KDM4C: variants seen among roughly 807,000 people sequenced by gnomAD.
The protein encoded by KDM4C is lysine demethylase 4C.
Under a neutral mutation model 129.3 loss-of-function variants are expected in KDM4C, and 81 were observed. The ratio of observed to expected loss-of-function variants is 0.63; its 90% confidence interval spans 0.52 to 0.75. KDM4C has a LOEUF of 0.75. Ranked by LOEUF, KDM4C falls within the 30% of genes least tolerant of loss-of-function variation. The pLI is 0.00. For synonymous variants in KDM4C, 573 were observed against 456.1 expected (o/e 1.26, Z -3.26); for missense variants, 1,457 against 1,304.0 (o/e 1.12, Z -1.81).
intron 8 of KDM4C, among the ~76,000 whole-genome samples, chr9:6,909,441 A>G (rs1321600246): frequency 1.3e-5 from 2 of 152,174 alleles, no homozygotes; most frequent in African/African-American, 4.8e-5. Context: ...ATCCAGTGGC[A>G]TTGTGCATAT....
chr9:7,057,602 A>G (rs1321663376), intron 17 of KDM4C, among the ~76,000 whole-genome samples: 1 of 152,080 alleles, frequency 6.6e-6, no homozygotes, highest in Non-Finnish European at 1.5e-5. Context: ...AACGTTAGCA[A>G]TATTAGCTGT....
At chr9:7,024,758 A>G (rs900377882) in intron 15 of KDM4C, among the ~76,000 whole-genome samples, 3 of 152,128 alleles carry the variant, frequency 2.0e-5, no homozygotes, top group Admixed American at 1.3e-4. Flanking sequence ...GTTGATTCCA[A>G]GTCTTTGCTA....
chr9:6,946,658 C>T (rs1827028282), intron 8 of KDM4C, among the ~76,000 whole-genome samples: 1 of 152,054 alleles, frequency 6.6e-6, no homozygotes, highest in Non-Finnish European at 1.5e-5. Context: ...TGTGTGCATA[C>T]ACAGTGAATA....
rs1185301372 is a variant in KDM4C, at chr9:6,757,996, C to G, written c.-225C>G. ...GGAGAGCCGGCGGTGCGCGCGCCTT[C>G]GCCGCTGCCTCCCACCCACCCCCTC... On this transcript the variant is annotated 5_prime_UTR_variant, in exon 1 of 22. Transcript: ENST00000381309. 1.0e-6 allele frequency: 1 copy of G among 985,278 alleles called. No homozygotes were observed. The highest frequency in any genetic ancestry group is 1.2e-6 in the Non-Finnish European group (1 of 829,920). 61.0% of individuals were successfully genotyped at this position (985,278 alleles called of 1,614,324 possible). A position where few individuals can be genotyped will look rare whatever the true frequency, so the allele number is the denominator to read the frequency against.
At chr9:7,169,542 C>T (rs1005691486) in intron 20 of KDM4C, among the ~76,000 whole-genome samples, 1 of 152,102 alleles carries the variant, frequency 6.6e-6, no homozygotes, top group Non-Finnish European at 1.5e-5. Flanking sequence ...CCATGTTGGC[C>T]AGGATGGTCT....
chr9:6,821,178 CAT>C (rs34543350), intron 4 of KDM4C, among the ~76,000 whole-genome samples: 4,267 of 152,224 alleles, frequency 0.028, 191 homozygotes, highest in African/African-American at 0.097. Context: ...CAGCAGTAAA[CAT>C]ATGTGTGCAT....
intron 4 of KDM4C, among the ~76,000 whole-genome samples, chr9:6,830,687 A>G (rs1588559311): frequency 6.6e-6 from 1 of 152,212 alleles, no homozygotes; most frequent in Non-Finnish European, 1.5e-5. Flanking sequence ...TAATGTGCCT[A>G]TGTGTATGAT....
At chr9:7,084,436 T>G (rs1023691970) in intron 17 of KDM4C, among the ~76,000 whole-genome samples, 2 of 152,234 alleles carry the variant, frequency 1.3e-5, no homozygotes, top group Non-Finnish European at 2.9e-5. Flanking sequence ...TATTATGAAG[T>G]GCTTTTAGAA....
intron 17 of KDM4C, among the ~76,000 whole-genome samples, chr9:7,095,417 C>G (rs1303388459): frequency 6.6e-6 from 1 of 152,122 alleles, no homozygotes; most frequent in Non-Finnish European, 1.5e-5. Flanking sequence ...ACCTTTAGGC[C>G]TTCAGGCCCA....
At position 6,979,201 on chromosome 9, in the gene KDM4C, A is replaced by G. The variant is rs191545874; in HGVS notation, c.922-1724A>G. On this transcript the variant is annotated intron_variant, in intron 8 of 21. Transcript: ENST00000381309. ...ACATCTTAATCCAAAATATCTTTCA[A>G]TTTCTCAGGATCTTCATTTTCTTTA... Among the ~76,000 whole-genome samples, 560 of 152,326 alleles carry G rather than the reference A, an allele frequency of 3.7e-3. 3 individuals are homozygous for G. Among genetic ancestry groups the G allele is most frequent in the Non-Finnish European group, 5.3e-3 (358 of 68,028 alleles).
intron 1 of KDM4C, among the ~76,000 whole-genome samples, chr9:6,743,049 G>GA (rs1231265232): frequency 1.3e-5 from 2 of 152,062 alleles, no homozygotes; most frequent in African/African-American, 4.8e-5. Context: ...GTCTAAAAAG[G>GA]AAAAAATCAA....
At chr9:6,725,440 T>A (rs1243522208) in intron 1 of KDM4C, among the ~76,000 whole-genome samples, 1 of 152,128 alleles carries the variant, frequency 6.6e-6, no homozygotes, top group East Asian at 1.9e-4. Flanking sequence ...TTTTGCTGAA[T>A]AATTTTCCAT....
chr9:7,127,994 T>G, intron 18 of KDM4C, 72 bp from the exon 19 acceptor site: 9 of 1,233,364 alleles, frequency 7.3e-6, no homozygotes, highest in African/African-American at 1.6e-5. Flanking sequence ...CAAATGAATA[T>G]TTTTTATTTT....
intron 19 of KDM4C, among the ~76,000 whole-genome samples, chr9:7,164,964 C>T (rs967069006): frequency 6.6e-6 from 1 of 152,106 alleles, no homozygotes; most frequent in Non-Finnish European, 1.5e-5. Flanking sequence ...TTTAGTTACC[C>T]CCTAAACAAT....
At chr9:6,999,816 T>C (rs562890103) in intron 12 of KDM4C, among the ~76,000 whole-genome samples, 22 of 152,322 alleles carry the variant, frequency 1.4e-4, no homozygotes, top group African/African-American at 5.3e-4. Context: ...AAAGTTCTTT[T>C]CCCTGCCAGT....
chr9:6,996,484 T>C (rs1819774713), intron 12 of KDM4C, among the ~76,000 whole-genome samples: 1 of 152,268 alleles, frequency 6.6e-6, no homozygotes, highest in African/African-American at 2.4e-5. Flanking sequence ...ATAAAAAATT[T>C]CCAGCTTTTC....
Position 7,105,026 on chromosome 9 carries a change from C to A in KDM4C, c.2610+1156C>A, listed in dbSNP as rs543037684. 2.0e-5 allele frequency among the ~76,000 whole-genome samples: 3 copies of A among 152,294 alleles called. No individual in the cohort carries two copies. In the South Asian group the frequency reaches 6.2e-4, roughly 32 times the overall value. ...TATTTGTCTTATTTTTTCATTGTTT[C>A]AGGTTCCAAGTTGCATATTCATTCA... On this transcript the variant is annotated intron_variant, in intron 18 of 21. Transcript: ENST00000381309.
intron 8 of KDM4C, among the ~76,000 whole-genome samples, chr9:6,949,259 G>A (rs527325981): frequency 2.6e-4 from 40 of 151,924 alleles, no homozygotes; most frequent in African/African-American, 8.9e-4. Context: ...GGTTGCGGCC[G>A]GGCAGAGGCG....
chr9:6,855,427 C>G (rs1323251540), intron 5 of KDM4C, among the ~76,000 whole-genome samples: 5 of 132,504 alleles, frequency 3.8e-5, no homozygotes, highest in Middle Eastern at 3.8e-3. Context: ...TCACTGCACT[C>G]CAGCCTGGGG....
Sources: gnomAD v4.1 joint callset for allele counts (sites outside exome capture counted in the v4.1 genomes callset) on GRCh38, gnomAD v4.1.1 for gene constraint, MANE v1.5 for transcripts, NCBI Gene and HGNC (gene_info 2026-07-23, HGNC 2026-07-21) for gene names.